The following SPEG variants were observed in gnomAD, a reference collection of about 807,000 sequenced individuals.
SPEG encodes the protein striated muscle preferentially expressed protein kinase.
A neutral mutation model predicts 300.4 loss-of-function variants in SPEG; 114 were observed. That is an observed-to-expected ratio of 0.38 (90% CI 0.33 to 0.44). The LOEUF (loss-of-function observed/expected upper bound fraction) is 0.44, where lower values mean the gene tolerates loss of function less well. Among genes scored for constraint, SPEG ranks in the 20% least tolerant of loss-of-function variants. The pLI, the probability that SPEG is intolerant of heterozygous loss-of-function variation, is 1.00. For missense variants in SPEG, 4,201 were observed against 4,586.2 expected (o/e 0.92, Z 2.43); for synonymous variants, 1,964 against 2,018.9 (o/e 0.97, Z 0.73).
At position 219,484,092 on chromosome 2, in the gene SPEG, C is replaced by T; in HGVS notation, c.6629C>T (p.Pro2210Leu). ...GCTCCGCAGCCCCCCGCACCCCAGC[C>T]TGCCCAAGACAAGGCTCCAGAGCCC... ...SDAPQPPAPQPAQDKAPEPRP... is the reference protein window; with the variant it reads ...SDAPQPPAPQLAQDKAPEPRP... The change falls in exon 30 of 41, where the codon CCT becomes CTT. Residue 2210 changes from proline to leucine, a missense_variant. This residue lies in a region of SPEG where 1,578 missense variants were observed against 1,506.0 expected (regional missense o/e 1.05). Transcript: ENST00000312358. 6.2e-7 allele frequency: 1 copy of T among 1,613,724 alleles called. No individual in the cohort carries two copies. The highest frequency in any genetic ancestry group is 8.5e-7 in the Non-Finnish European group (1 of 1,179,972).
intron 1 of SPEG, among the ~76,000 whole-genome samples, chr2:219,441,019 A>T (rs1436454457): frequency 6.6e-6 from 1 of 152,216 alleles, no homozygotes; most frequent in East Asian, 1.9e-4. Flanking sequence ...GTCACTTGTC[A>T]GTTAAATGGG....
Position 219,472,885 on chromosome 2 carries a change from G to A in SPEG, c.3941-5G>A, listed in dbSNP as rs200293373. 32 of 1,570,884 alleles carry A rather than the reference G, an allele frequency of 2.0e-5. No individual in the cohort carries two copies. In the East Asian group the frequency reaches 3.6e-4, roughly 18 times the overall value. On this transcript the variant is annotated splice_region_variant and splice_polypyrimidine_tract_variant and intron_variant, in intron 15 of 40. Transcript: ENST00000312358. ...AGCAGCCTCTAGTAGCTCCTCTCCC[G>A]CCAGACCCGGACTCCCTGACGTACA...
chr2:219,471,461 T>G (rs1004124442), intron 13 of SPEG, among the ~76,000 whole-genome samples: 10 of 152,028 alleles, frequency 6.6e-5, no homozygotes, highest in African/African-American at 9.7e-5. Context: ...GAAGAAGGGC[T>G]TAGGGGAGGG....
intron 6 of SPEG, chr2:219,460,426 G>A: frequency 3.0e-6 from 3 of 985,452 alleles, no homozygotes; most frequent in Non-Finnish European, 3.6e-6. Context: ...TTTCCCACGG[G>A]CACCTTCTTT....
chr2:219,484,885 C>T lies in SPEG; in HGVS notation c.7422C>T (p.Ser2474=). ...LSSRLQRSGS[S]EDSGGASGRS... ...GCCGATTGCAGCGCAGTGGCAGCAG[C>T]GAGGACTCGGGGGGCGCGTCGGGCC... The change falls in exon 30 of 41, where the codon AGC becomes AGT. Residue 2474 remains serine (S), a synonymous_variant. Coordinates refer to ENST00000312358, the MANE Select transcript of SPEG (RefSeq NM_005876.5). The T allele has an allele frequency of 2.0e-6, 3 of 1,525,396 alleles. No individual in the cohort carries two copies. Among genetic ancestry groups the T allele is most frequent in the Non-Finnish European group, 2.6e-6 (3 of 1,143,704 alleles). 94.5% of individuals were successfully genotyped at this position (1,525,396 alleles called of 1,614,324 possible). A position where few individuals can be genotyped will look rare whatever the true frequency, so the allele number is the denominator to read the frequency against.
chr2:219,485,444 G>C lies in SPEG; in HGVS notation c.7708G>C (p.Glu2570Gln), dbSNP rs754090386. 1.9e-6 allele frequency: 3 copies of C among 1,601,844 alleles called. No homozygotes were observed. The highest frequency in any genetic ancestry group is 1.3e-5 in the African/African-American group (1 of 74,348). Residue 2570 changes from glutamate (E) to glutamine (Q), a missense_variant, in exon 31 of 41, where the codon GAG becomes CAG. Physicochemically the swap from Glu to Gln is conservative, Grantham distance 29 (BLOSUM62 2). Around this residue, in one of 4 missense-constraint regions of SPEG, gnomAD observed 1,578 missense variants for 1,506.0 expected, o/e 1.05. Coordinates refer to ENST00000312358, the MANE Select transcript of SPEG (RefSeq NM_005876.5). Reference protein sequence around the residue: ...PPNLSASVQEELGHQYVRSES... With the variant: ...PPNLSASVQEQLGHQYVRSES... ...AAACCTCTCTGCCAGCGTCCAGGAG[G>C]AGTTGGGTCACCAGTACGTGCGCAG...
chr2:219,489,336 A>G lies in SPEG; in HGVS notation c.8318A>G (p.Asp2773Gly), dbSNP rs1693746923. 1.2e-6 allele frequency: 2 copies of G among 1,612,986 alleles called. No individual in the cohort carries two copies. The highest frequency in any genetic ancestry group is 1.3e-5 in the African/African-American group (1 of 74,646). ...SEKVFVRGTQ[D>G]SSAVPSAAHQ... The stretch of plus-strand genomic sequence containing the variant: ...GGTGATGATTTTCTCTCTCTCTTAG[A>G]TTCTTCAGCTGTGCCATCTGCTGCC... Residue 2773 changes from aspartate to glycine, a missense_variant and splice_region_variant, in exon 36 of 41, where the codon GAT becomes GGT. Physicochemically the swap from Asp to Gly is moderately conservative, Grantham distance 94 (BLOSUM62 -1). Around this residue, in one of 4 missense-constraint regions of SPEG, gnomAD observed 1,578 missense variants for 1,506.0 expected, o/e 1.05. Transcript: ENST00000312358.
chr2:219,465,622 A>C, intron 9 of SPEG: 1 of 255,388 alleles, frequency 3.9e-6, no homozygotes, highest in Admixed American at 5.2e-5. Context: ...GATCCCATGA[A>C]TGCCTGGTTG....
chr2:219,445,060 G>A lies in SPEG; in HGVS notation c.714G>A (p.Leu238=), dbSNP rs369001739. ...EPLVRASRAN[L]VGASWGSEDS... is the part of the protein sequence containing the mutation. ...TGGTGCGGGCATCTCGAGCTAATCT[G>A]GTGGGCGCAAGCTGGGGGTCAGAGG... The change falls in exon 3 of 41, where the codon CTG becomes CTA. Residue 238 remains leucine, a synonymous_variant. Coordinates refer to ENST00000312358, the MANE Select transcript of SPEG (RefSeq NM_005876.5). This position sits in a 1 kb window ranked among gnomAD's most constrained non-coding sequence, Gnocchi z 6.1. The A allele has an allele frequency of 3.1e-6, 5 of 1,606,734 alleles. No individual in the cohort carries two copies. The highest frequency in any genetic ancestry group is 4.2e-6 in the Non-Finnish European group (5 of 1,176,770).
chr2:219,478,025 G>A lies in SPEG; in HGVS notation c.4947G>A (p.Leu1649=). 6.2e-7 allele frequency: 1 copy of A among 1,614,194 alleles called. No individual in the cohort carries two copies. The highest frequency in any genetic ancestry group is 8.5e-7 in the Non-Finnish European group (1 of 1,180,042). ...KASARREARL[L]ARLQHDCVLY... ...CAGCGCGTCGGGAGGCCCGGCTGCT[G>A]GCCAGGCTCCAGCACGACTGTGTCC... The change falls in exon 22 of 41, where the codon CTG becomes CTA. Residue 1649 remains leucine, a synonymous_variant. Coordinates refer to ENST00000312358, the MANE Select transcript of SPEG (RefSeq NM_005876.5).
At chr2:219,482,027 G>C in intron 28 of SPEG, 1 of 410,164 alleles carries the variant, frequency 2.4e-6, no homozygotes, top group Non-Finnish European at 4.5e-6. Context: ...GTCCTGCACT[G>C]GTCCCACACA....
chr2:219,451,660 G>A lies in SPEG; in HGVS notation c.2293G>A (p.Glu765Lys), dbSNP rs1426797318. The A allele has an allele frequency of 1.3e-6, 2 of 1,588,106 alleles. No individual in the cohort carries two copies. The highest frequency in any genetic ancestry group is 1.7e-6 in the Non-Finnish European group (2 of 1,169,584). ...WHKDGSALRS[E>K]GRLLLRAEGE... The stretch of plus-strand genomic sequence containing the variant: ...CAAGGATGGGTCAGCGCTGCGCAGC[G>A]AGGGCCGCCTCCTCCTCCGGGCTGA... The change falls in exon 6 of 41, where the codon GAG becomes AAG. Residue 765 changes from glutamate (E) to lysine (K), a missense_variant. Coordinates refer to ENST00000312358, the MANE Select transcript of SPEG (RefSeq NM_005876.5). The surrounding 1 kb of genome is among the most constrained non-coding windows in gnomAD (Gnocchi z 6.4).
chr2:219,483,008 C>A, intron 29 of SPEG, 90 bp from the exon 30 acceptor site: 1 of 1,463,750 alleles, frequency 6.8e-7, no homozygotes, highest in Non-Finnish European at 9.3e-7. Context: ...TCTGCATGCT[C>A]AGGCCTCTTC....
At position 219,457,736 on chromosome 2, in the gene SPEG, G is replaced by A. The variant is rs536454475; in HGVS notation, c.2441-4146G>A. On this transcript the variant is annotated intron_variant, in intron 6 of 40. Coordinates refer to ENST00000312358, the MANE Select transcript of SPEG (RefSeq NM_005876.5). ...GGCTGGCCCTCGGGTGGCAGTGGGA[G>A]GCACCTGCTTGAACAGTGGATGCTC... Among the ~76,000 whole-genome samples, 116 of 152,348 alleles carry A rather than the reference G, an allele frequency of 7.6e-4. 3 individuals are homozygous for A. The South Asian group carries it at 0.024, about 31-fold the overall frequency.
Position 219,439,296 on chromosome 2 carries a change from T to C in SPEG, c.388+3931T>C, listed in dbSNP as rs1428002415. On this transcript the variant is annotated intron_variant, in intron 1 of 40. Coordinates refer to ENST00000312358, the MANE Select transcript of SPEG (RefSeq NM_005876.5). The surrounding 1 kb of genome is among the most constrained non-coding windows in gnomAD (Gnocchi z 4.5). ...TCCCATATTTATTGAGTGCCTACTA[T>C]GTGCTTTTGATACACGAGTCAGGGG... Among the ~76,000 whole-genome samples the C allele has an allele frequency of 1.3e-5, 2 of 152,200 alleles. No individual in the cohort carries two copies. The highest frequency in any genetic ancestry group is 2.9e-5 in the Non-Finnish European group (2 of 68,038).
rs1411273245 is a variant in SPEG, at chr2:219,467,547, C to T, written c.3142+113C>T. On this transcript the variant is annotated intron_variant, in intron 10 of 40. Coordinates refer to ENST00000312358, the MANE Select transcript of SPEG (RefSeq NM_005876.5). ...ACAGAGCTCCAACCCCGAGGGGAAG[C>T]GGGGGAGGGTGGGAGCTAGTACATT... The T allele has an allele frequency of 8.6e-5, 112 of 1,296,648 alleles. 1 individual carries two copies. In the East Asian group the frequency reaches 2.5e-3, roughly 29 times the overall value. 80.3% of individuals were successfully genotyped at this position (1,296,648 alleles called of 1,614,324 possible).
intron 6 of SPEG, among the ~76,000 whole-genome samples, chr2:219,460,057 G>T (rs1159670226): frequency 1.3e-5 from 2 of 152,252 alleles, no homozygotes; most frequent in South Asian, 2.1e-4. Flanking sequence ...ATGATAAGGG[G>T]CCATTTGGGG....
Position 219,449,039 on chromosome 2 carries a change from C to A in SPEG, c.1881C>A (p.Pro627=), listed in dbSNP as rs779451211. 1.3e-6 allele frequency: 2 copies of A among 1,519,018 alleles called. No individual in the cohort carries two copies. The highest frequency in any genetic ancestry group is 2.5e-5 in the South Asian group (2 of 80,872). 94.1% of individuals were successfully genotyped at this position (1,519,018 alleles called of 1,614,324 possible). Residue 627 remains proline (P), a synonymous_variant, in exon 4 of 41, where the codon CCC becomes CCA. Transcript: ENST00000312358. ...CAGAGGCCAGGACGAAAGCACCCCC[C>A]GGTCGGAAGCGGGAGCCCCCGGCGC... ...DPPEARTKAP[P]GRKREPPAQA...
chr2:219,442,750 A>G (rs1689021495), intron 1 of SPEG, among the ~76,000 whole-genome samples: 1 of 145,212 alleles, frequency 6.9e-6, no homozygotes, highest in Non-Finnish European at 1.5e-5. Flanking sequence ...ACTGAGCCTG[A>G]CTACCTCGTC....
Sources: allele counts gnomAD v4.1 joint callset (sites outside exome capture counted in the v4.1 genomes callset), GRCh38; gene constraint gnomAD v4.1.1; regional missense constraint gnomAD v4.1.1; non-coding constraint Gnocchi (gnomAD v3.1); transcripts MANE v1.5; gene names NCBI Gene and HGNC (gene_info 2026-07-23, HGNC 2026-07-21).